The following TTLL9 variants were observed in gnomAD, a reference collection of about 807,000 sequenced individuals.
TTLL9 encodes the protein probable tubulin polyglutamylase TTLL9.
TTLL9 carries 47 observed loss-of-function variants against 65.6 expected under a neutral mutation model. That is an observed-to-expected ratio of 0.72 (90% CI 0.57 to 0.91). The LOEUF (loss-of-function observed/expected upper bound fraction) is 0.91. Among genes scored for constraint, TTLL9 ranks in the 40% least tolerant of loss-of-function variants. The probability of loss-of-function intolerance (pLI) is 0.00; values close to 1 mark genes in which losing one functional copy is unlikely to be tolerated. For missense variants in TTLL9, 537 were observed against 568.8 expected (o/e 0.94, Z 0.57); for synonymous variants, 179 against 204.8 (o/e 0.87, Z 1.07).
chr20:31,880,386 T>A (rs2063101105), intron 2 of TTLL9, among the ~76,000 whole-genome samples: 1 of 152,132 alleles, frequency 6.6e-6, no homozygotes, highest in Non-Finnish European at 1.5e-5. Flanking sequence ...GACAAACCTC[T>A]GCCCTCCAAG....
chr20:31,896,429 G>A (rs2063389915), intron 3 of TTLL9, among the ~76,000 whole-genome samples: 1 of 152,166 alleles, frequency 6.6e-6, no homozygotes, highest in Non-Finnish European at 1.5e-5. Flanking sequence ...AAATGAATGA[G>A]TGTTTAATTT....
intron 12 of TTLL9, 77 bp from the exon 13 acceptor site, chr20:31,937,319 A>G (rs1258564560): frequency 1.0e-6 from 1 of 973,062 alleles, no homozygotes; most frequent in Non-Finnish European, 1.6e-6. Flanking sequence ...CCATGCATCC[A>G]TCTAGCCTCT....
Position 31,873,164 on chromosome 20 carries a change from G to C in TTLL9, c.69+1969G>C, listed in dbSNP as rs80156554. 7 of 389,620 alleles carry C rather than the reference G, an allele frequency of 1.8e-5. No homozygotes were observed. In the Middle Eastern group the frequency reaches 2.6e-3, roughly 147 times the overall value. 24.1% of individuals were successfully genotyped at this position (389,620 alleles called of 1,614,324 possible). ...AAGGACTTGCAGATTGACTGGATGT[G>C]GGGGGAAGGAAGGAATTTTAGGATG... On this transcript the variant is annotated intron_variant, in intron 2 of 14. Transcript: ENST00000535842.
chr20:31,933,664 C>A, intron 10 of TTLL9, 136 bp from the exon 11 acceptor site: 1 of 758,692 alleles, frequency 1.3e-6, no homozygotes, highest in Non-Finnish European at 2.0e-6. Flanking sequence ...GCCCATCTGA[C>A]TCCAAAGCTC....
intron 12 of TTLL9, among the ~76,000 whole-genome samples, chr20:31,935,936 G>T (rs1387946369): frequency 6.6e-6 from 1 of 152,206 alleles, no homozygotes; most frequent in Non-Finnish European, 1.5e-5. Context: ...CAAAAATTCT[G>T]CAGGTCCAAG....
At position 31,909,743 on chromosome 20, in the gene TTLL9, C is replaced by A. The variant is rs201626737; in HGVS notation, c.325C>A (p.Arg109=). The A allele has an allele frequency of 1.9e-6, 3 of 1,613,474 alleles. No homozygotes were observed. Among genetic ancestry groups the A allele is most frequent in the Admixed American group, 1.7e-5 (1 of 59,986 alleles). The change falls in exon 6 of 15, where the codon CGG becomes AGG. Residue 109 remains arginine (R), a synonymous_variant. Transcript: ENST00000535842. Reference sequence around the variant, plus strand: ...TGTCCTTCCCGCCACCCAGCTGACCCGGAAGAACTACATGGTGAAGAACCT... The same window carrying A: ...TGTCCTTCCCGCCACCCAGCTGACCAGGAAGAACTACATGGTGAAGAACCT... ...SHFRNHYELT[R]KNYMVKNLKR...
intron 10 of TTLL9, among the ~76,000 whole-genome samples, chr20:31,926,683 A>G (rs2063911498): frequency 6.6e-6 from 1 of 152,254 alleles, no homozygotes; most frequent in South Asian, 2.1e-4. Flanking sequence ...AATACTATGA[A>G]GCTGTTAAAA....
At chr20:31,906,347 G>C (rs1440878813) in intron 4 of TTLL9, among the ~76,000 whole-genome samples, 1 of 152,240 alleles carries the variant, frequency 6.6e-6, no homozygotes, top group Non-Finnish European at 1.5e-5. Context: ...CTAGCTGTCT[G>C]TGGGGATCTC....
intron 5 of TTLL9, 26 bp downstream of exon 5, chr20:31,908,728 G>A: frequency 6.4e-7 from 1 of 1,568,894 alleles, no homozygotes; most frequent in Non-Finnish European, 8.8e-7. Flanking sequence ...GGGAGGGACT[G>A]TGCCAACCAA....
At position 31,925,034 on chromosome 20, in the gene TTLL9, T is replaced by C. The variant is rs1046014672; in HGVS notation, c.690T>C (p.Tyr230=). Residue 230 remains tyrosine, a synonymous_variant, in exon 9 of 15, where the codon TAT becomes TAC. Coordinates refer to ENST00000535842, the MANE Select transcript of TTLL9 (RefSeq NM_001008409.5). ...GCCGCAAGTTTGACCTGCGTGTCTATGTGCTGGTGATGTCGGTGAGTAACA... is the reference window on the plus strand; with the variant it reads ...GCCGCAAGTTTGACCTGCGTGTCTACGTGCTGGTGATGTCGGTGAGTAACA... ...IGGRKFDLRV[Y]VLVMSVFAEC... is the part of the protein sequence containing the mutation. 1 of 1,614,100 alleles carries C rather than the reference T, an allele frequency of 6.2e-7. No individual in the cohort carries two copies. The highest frequency in any genetic ancestry group is 1.3e-5 in the African/African-American group (1 of 75,040).
intron 3 of TTLL9, among the ~76,000 whole-genome samples, chr20:31,897,657 C>A (rs1299011959): frequency 6.6e-6 from 1 of 152,164 alleles, no homozygotes; most frequent in African/African-American, 2.4e-5. Context: ...AGGCTCATTA[C>A]CGCCTGGCAG....
chr20:31,875,122 C>T (rs2123362093), intron 2 of TTLL9, among the ~76,000 whole-genome samples: 1 of 152,220 alleles, frequency 6.6e-6, no homozygotes. Flanking sequence ...GTCCAACCTG[C>T]TTAGCATGGC....
intron 2 of TTLL9, among the ~76,000 whole-genome samples, chr20:31,885,118 T>C (rs760878338): frequency 7.9e-5 from 12 of 152,356 alleles, no homozygotes; most frequent in Admixed American, 2.0e-4. Context: ...TACTTTATAA[T>C]GTCACTTCCT....
chr20:31,879,618 C>T, intron 2 of TTLL9: 1 of 512,350 alleles, frequency 2.0e-6, no homozygotes, highest in South Asian at 2.7e-5. Context: ...GGGAGCCAGC[C>T]TCTGAACGAA....
At chr20:31,907,029 C>A (rs186063279) in intron 4 of TTLL9, among the ~76,000 whole-genome samples, 125 of 152,216 alleles carry the variant, frequency 8.2e-4, no homozygotes, top group African/African-American at 2.9e-3. Context: ...TAGAATAACT[C>A]GACCCCTATG....
At chr20:31,908,539 T>C in intron 4 of TTLL9, 52 bp from the exon 5 acceptor site, 1 of 1,349,020 alleles carries the variant, frequency 7.4e-7, no homozygotes, top group Non-Finnish European at 1.1e-6. Context: ...GGCCCTGCAG[T>C]GCCAAGGTCC....
At chr20:31,887,278 C>A (rs780360189) in intron 3 of TTLL9, 39 bp downstream of exon 3, 30 of 1,607,806 alleles carry the variant, frequency 1.9e-5, no homozygotes, top group Middle Eastern at 3.3e-4. Context: ...ACAGCGCAAC[C>A]AACTTCTCTC....
At chr20:31,936,727 T>C (rs537882962) in intron 12 of TTLL9, among the ~76,000 whole-genome samples, 1 of 152,296 alleles carries the variant, frequency 6.6e-6, no homozygotes, top group South Asian at 2.1e-4. Flanking sequence ...CATTCACATC[T>C]CTATTGGAAG....
intron 10 of TTLL9, among the ~76,000 whole-genome samples, chr20:31,930,948 G>A (rs1040076073): frequency 1.6e-4 from 24 of 152,214 alleles, no homozygotes; most frequent in Admixed American, 5.9e-4. Flanking sequence ...AAGGAGGCCC[G>A]CTGTCTCCTC....
Sources: gnomAD v4.1 joint callset for allele counts (sites outside exome capture counted in the v4.1 genomes callset) on GRCh38, gnomAD v4.1.1 for gene constraint, MANE v1.5 for transcripts, NCBI Gene and HGNC (gene_info 2026-07-23, HGNC 2026-07-21) for gene names.